CSMD1: variants seen among roughly 807,000 people sequenced by gnomAD.
The protein encoded by CSMD1 is CUB and sushi domain-containing protein 1.
Under a neutral mutation model 417.5 loss-of-function variants are expected in CSMD1, and 213 were observed. That is an observed-to-expected ratio of 0.51 (90% CI 0.46 to 0.57). The LOEUF (loss-of-function observed/expected upper bound fraction) is 0.57. CSMD1 is among the 20% of genes least tolerant of loss of function. The pLI is 0.00. For missense variants in CSMD1, 6,923 were observed against 4,529.7 expected, an observed-to-expected ratio of 1.53 and a Z score of -15.17; for synonymous variants, 2,862 against 1,736.8, an observed-to-expected ratio of 1.65 and a Z score of -16.11.
At chr8:4,797,783 T>C (rs1312993225) in intron 1 of CSMD1, among the ~76,000 whole-genome samples, 2 of 152,188 alleles carry the variant, frequency 1.3e-5, no homozygotes, top group Non-Finnish European at 1.5e-5. Context: ...GACTAATCAT[T>C]CAGAGAAATT....
intron 6 of CSMD1, among the ~76,000 whole-genome samples, chr8:3,714,752 C>A (rs1226631374): frequency 1.3e-5 from 2 of 151,634 alleles, no homozygotes; most frequent in South Asian, 2.1e-4. Context: ...AAAAAAACAA[C>A]AACACAAGAA....
At chr8:4,744,458 A>C (rs2117019884) in intron 1 of CSMD1, among the ~76,000 whole-genome samples, 1 of 152,186 alleles carries the variant, frequency 6.6e-6, no homozygotes, top group South Asian at 2.1e-4. Flanking sequence ...CTGTCCCAAA[A>C]TGCTCTCCAT....
At chr8:3,902,812 T>C (rs1224045239) in intron 5 of CSMD1, among the ~76,000 whole-genome samples, 1 of 152,106 alleles carries the variant, frequency 6.6e-6, no homozygotes, top group Non-Finnish European at 1.5e-5. Flanking sequence ...AGAATTAAAT[T>C]ACATAATGCA....
intron 26 of CSMD1, among the ~76,000 whole-genome samples, chr8:3,254,234 C>T (rs564468475): frequency 3.3e-5 from 5 of 152,256 alleles, no homozygotes; most frequent in South Asian, 2.1e-4. Context: ...GAGTTTCTGT[C>T]GAGAGATCAG....
rs142372282 is a variant in CSMD1, at chr8:4,939,094, C to G, written c.85+55238G>C. 3.9e-5 allele frequency among the ~76,000 whole-genome samples: 6 copies of G among 152,102 alleles called. No homozygotes were observed. The East Asian group carries it at 1.2e-3, about 29-fold the overall frequency. ...ATAATTCTCCCCCCTCTGCGGGTTG[C>G]CTCTTTATTTTATTATTTCTTTTGT... On this transcript the variant is annotated intron_variant, in intron 1 of 69. Transcript: ENST00000635120.
intron 1 of CSMD1, among the ~76,000 whole-genome samples, chr8:4,851,333 G>GCC (rs1207166476): frequency 6.6e-6 from 1 of 151,452 alleles, no homozygotes; most frequent in Admixed American, 6.6e-5. Flanking sequence ...AACTTTTCTC[G>GCC]CCCCCTTTTT....
At chr8:4,265,001 C>A (rs973019110) in intron 3 of CSMD1, among the ~76,000 whole-genome samples, 2 of 152,128 alleles carry the variant, frequency 1.3e-5, no homozygotes, top group Non-Finnish European at 2.9e-5. Flanking sequence ...AAGCACTTAT[C>A]AATATGTCAA....
intron 3 of CSMD1, among the ~76,000 whole-genome samples, chr8:4,091,139 G>C (rs1009300919): frequency 6.6e-6 from 1 of 151,936 alleles, no homozygotes; most frequent in African/African-American, 2.4e-5. Context: ...GGCTGGTCTC[G>C]AATTCCTGAC....
intron 3 of CSMD1, among the ~76,000 whole-genome samples, chr8:4,251,141 A>G (rs148542544): frequency 2.6e-5 from 4 of 152,322 alleles, no homozygotes; most frequent in African/African-American, 9.6e-5. Flanking sequence ...TAAAAGAGAA[A>G]AGTATAAAGG....
Position 4,861,454 on chromosome 8 carries a change from G to A in CSMD1, c.85+132878C>T, listed in dbSNP as rs997733136. On this transcript the variant is annotated intron_variant, in intron 1 of 69. Coordinates refer to ENST00000635120, the MANE Select transcript of CSMD1 (RefSeq NM_033225.6). ...GCGACCAGAGTTCTTGGAAGTGCTC[G>A]TAGACAACTAAGCAATCCTTTATGT... Among the ~76,000 whole-genome samples the A allele has an allele frequency of 7.9e-5, 12 of 152,164 alleles. 1 individual carries two copies. Among genetic ancestry groups the A allele is most frequent in the Middle Eastern group, 3.4e-3 (1 of 294 alleles).
chr8:4,133,627 A>G (rs1355911154), intron 3 of CSMD1, among the ~76,000 whole-genome samples: 1 of 152,188 alleles, frequency 6.6e-6, no homozygotes, highest in Non-Finnish European at 1.5e-5. Context: ...TGTACTAGCA[A>G]TGCGAAGAGG....
chr8:3,353,393 A>G (rs541189220), intron 21 of CSMD1, among the ~76,000 whole-genome samples: 1 of 152,338 alleles, frequency 6.6e-6, no homozygotes, highest in South Asian at 2.1e-4. Flanking sequence ...CTTTCTGACC[A>G]AGATACCACC....
intron 3 of CSMD1, among the ~76,000 whole-genome samples, chr8:4,205,329 AT>A (rs1799912856): frequency 6.6e-6 from 1 of 152,262 alleles, no homozygotes; most frequent in South Asian, 2.1e-4. Context: ...ATATTCTAAA[AT>A]AAGTATTTAA....
At chr8:3,573,344 A>G (rs1800019217) in intron 10 of CSMD1, among the ~76,000 whole-genome samples, 1 of 152,186 alleles carries the variant, frequency 6.6e-6, no homozygotes, top group African/African-American at 2.4e-5. Context: ...AAACTGAGTA[A>G]CAAACCATTG....
chr8:3,091,648 T>C lies in CSMD1; in HGVS notation c.7153A>G (p.Ser2385Gly), dbSNP rs780392252. The C allele has an allele frequency of 1.9e-6, 3 of 1,609,130 alleles. No homozygotes were observed. Among genetic ancestry groups the C allele is most frequent in the South Asian group, 1.1e-5 (1 of 89,972 alleles). ...LEVFDGSSGQ[S>G]PLLVVLSGNH... is the part of the protein sequence containing the mutation. ...CCACTTAAGACTACTAGCAGAGGAC[T>C]TTGCCCAGAAGAACCTAAGTGAAAC... The change falls in exon 48 of 70, where the codon AGT becomes GGT. Residue 2385 changes from serine (S) to glycine (G), a missense_variant. Coordinates refer to ENST00000635120, the MANE Select transcript of CSMD1 (RefSeq NM_033225.6).
At chr8:4,361,708 C>T (rs941179979) in intron 3 of CSMD1, among the ~76,000 whole-genome samples, 11 of 151,754 alleles carry the variant, frequency 7.2e-5, no homozygotes, top group Admixed American at 6.6e-5. Flanking sequence ...GTAATCCCAA[C>T]ACTTTGGGAG....
chr8:3,555,699 AAT>A (rs1326005825), intron 10 of CSMD1, among the ~76,000 whole-genome samples: 3 of 152,198 alleles, frequency 2.0e-5, no homozygotes, highest in East Asian at 1.9e-4. Flanking sequence ...ATAAAAATAA[AAT>A]ATGTGTCTAT....
intron 54 of CSMD1, among the ~76,000 whole-genome samples, chr8:2,980,200 G>C (rs970452338): frequency 1.3e-5 from 2 of 152,194 alleles, no homozygotes; most frequent in African/African-American, 4.8e-5. Flanking sequence ...TCAAAGCAGA[G>C]AAAGCCACTT....
intron 1 of CSMD1, among the ~76,000 whole-genome samples, chr8:4,963,617 T>C (rs1336448182): frequency 6.6e-6 from 1 of 152,218 alleles, no homozygotes; most frequent in African/African-American, 2.4e-5. Context: ...TTATTTCCTG[T>C]AACTTAGATG....
Sources: gnomAD v4.1 joint callset for allele counts (sites outside exome capture counted in the v4.1 genomes callset) on GRCh38, gnomAD v4.1.1 for gene constraint, MANE v1.5 for transcripts, NCBI Gene and HGNC (gene_info 2026-07-23, HGNC 2026-07-21) for gene names.